Variants in KCNIP4 observed in about 807,000 individuals in gnomAD.
KCNIP4 encodes potassium voltage-gated channel interacting protein 4.
A neutral mutation model predicts 34.0 loss-of-function variants in KCNIP4; 12 were observed. The observed-to-expected ratio is 0.35, with a 90% confidence interval of 0.23 to 0.57. KCNIP4 has a LOEUF of 0.57. Among genes scored for constraint, KCNIP4 ranks in the 20% least tolerant of loss-of-function variants. The probability of loss-of-function intolerance (pLI) is 0.83; values close to 1 mark genes in which losing one functional copy is unlikely to be tolerated. For synonymous variants in KCNIP4, 124 were observed against 102.2 expected, an observed-to-expected ratio of 1.21 and a Z score of -1.29; for missense variants, 238 against 311.7, an observed-to-expected ratio of 0.76 and a Z score of 1.78.
At chr4:21,019,890 T>C (rs1233477172) in intron 1 of KCNIP4, among the ~76,000 whole-genome samples, 3 of 152,186 alleles carry the variant, frequency 2.0e-5, no homozygotes, top group Admixed American at 2.0e-4. Context: ...TCTGATTGCA[T>C]AGCTTCATGT....
intron 1 of KCNIP4, among the ~76,000 whole-genome samples, chr4:21,743,045 T>A (rs777122580): frequency 6.6e-6 from 1 of 152,190 alleles, no homozygotes. Context: ...CGTGGATCTG[T>A]AGAGATATAA....
intron 2 of KCNIP4, among the ~76,000 whole-genome samples, chr4:20,862,802 G>T (rs1722345143): frequency 6.6e-6 from 1 of 152,096 alleles, no homozygotes; most frequent in Non-Finnish European, 1.5e-5. Context: ...AAAAGAACAA[G>T]ATTATATCAT....
At chr4:21,858,226 C>T (rs10033271) in intron 1 of KCNIP4, among the ~76,000 whole-genome samples, 18,975 of 152,250 alleles carry the variant, frequency 0.12, 3,506 homozygotes, top group African/African-American at 0.41. Context: ...CAGGCAAAGG[C>T]GCCACTGGCC....
chr4:21,764,769 G>A (rs543456849), intron 1 of KCNIP4, among the ~76,000 whole-genome samples: 2 of 151,820 alleles, frequency 1.3e-5, no homozygotes, highest in Admixed American at 6.6e-5. Flanking sequence ...GTCCTTTTTT[G>A]CTTGTCTGCT....
At position 21,184,511 on chromosome 4, in the gene KCNIP4, C is replaced by T. The variant is rs117320604; in HGVS notation, c.62-301802G>A. 6.6e-3 allele frequency among the ~76,000 whole-genome samples: 1,007 copies of T among 152,154 alleles called. 26 individuals are homozygous for T. The East Asian group carries it at 0.087, about 13-fold the overall frequency. On this transcript the variant is annotated intron_variant, in intron 1 of 8. Coordinates refer to ENST00000382152, the MANE Select transcript of KCNIP4 (RefSeq NM_025221.6). ...TTTAAGTCACAGATGAAAAGAAATTCGCTATTACGTAATGAAGACGAGAGA... is the reference window on the plus strand; with the variant it reads ...TTTAAGTCACAGATGAAAAGAAATTTGCTATTACGTAATGAAGACGAGAGA...
intron 1 of KCNIP4, among the ~76,000 whole-genome samples, chr4:21,445,673 A>G (rs1181584153): frequency 6.6e-6 from 1 of 152,206 alleles, no homozygotes; most frequent in Non-Finnish European, 1.5e-5. Flanking sequence ...TAAAAACCCT[A>G]GAAGAAAACC....
At chr4:20,747,870 A>C (rs1752698859) in intron 5 of KCNIP4, among the ~76,000 whole-genome samples, 1 of 151,188 alleles carries the variant, frequency 6.6e-6, no homozygotes, top group Non-Finnish European at 1.5e-5. Context: ...TTTCATCTTG[A>C]CTCCACAAAG....
intron 3 of KCNIP4, among the ~76,000 whole-genome samples, chr4:20,803,074 C>T (rs1187666776): frequency 1.3e-5 from 1 of 78,330 alleles, no homozygotes; most frequent in African/African-American, 5.2e-5. Flanking sequence ...GACTCTGCCT[C>T]AAAAAAAAAA....
chr4:21,347,334 G>T (rs1717550191), intron 1 of KCNIP4, among the ~76,000 whole-genome samples: 1 of 152,178 alleles, frequency 6.6e-6, no homozygotes, highest in South Asian at 2.1e-4. Context: ...CCCAGAGGCT[G>T]TCCACAGGGA....
chr4:20,855,650 G>A (rs1292322793), intron 2 of KCNIP4, among the ~76,000 whole-genome samples: 1 of 147,940 alleles, frequency 6.8e-6, no homozygotes, highest in Non-Finnish European at 1.5e-5. Context: ...CTTAATTATT[G>A]CCCTCAAGGA....
chr4:21,076,916 A>G (rs1047004915), intron 1 of KCNIP4, among the ~76,000 whole-genome samples: 1 of 152,130 alleles, frequency 6.6e-6, no homozygotes, highest in Non-Finnish European at 1.5e-5. Flanking sequence ...TAAGGTCAGG[A>G]GTTCGAGTCC....
At chr4:21,945,052 C>A (rs975219923) in intron 1 of KCNIP4, among the ~76,000 whole-genome samples, 6 of 152,056 alleles carry the variant, frequency 3.9e-5, no homozygotes, top group African/African-American at 1.4e-4. Flanking sequence ...AGTAAAAAAA[C>A]ACATTCTGTT....
At chr4:21,411,220 T>C (rs1724468053) in intron 1 of KCNIP4, among the ~76,000 whole-genome samples, 1 of 152,170 alleles carries the variant, frequency 6.6e-6, no homozygotes, top group African/African-American at 2.4e-5. Flanking sequence ...AGAGTTTGTG[T>C]TGATGTAAAC....
intron 1 of KCNIP4, among the ~76,000 whole-genome samples, chr4:21,563,957 A>G (rs1030092358): frequency 6.6e-6 from 1 of 152,164 alleles, no homozygotes; most frequent in Non-Finnish European, 1.5e-5. Flanking sequence ...TAAAAGGAGT[A>G]GAAGATCTTG....
chr4:21,816,917 T>C (rs1722024315), intron 1 of KCNIP4, among the ~76,000 whole-genome samples: 1 of 152,170 alleles, frequency 6.6e-6, no homozygotes, highest in Non-Finnish European at 1.5e-5. Flanking sequence ...ATCTATAAAT[T>C]GAGGATCATG....
chr4:21,055,021 C>T (rs1262481280), intron 1 of KCNIP4, among the ~76,000 whole-genome samples: 1 of 151,916 alleles, frequency 6.6e-6, no homozygotes, highest in African/African-American at 2.4e-5. Flanking sequence ...ATACATCTGA[C>T]AAAGAATCAT....
chr4:20,871,145 A>C (rs1723415940), intron 2 of KCNIP4, among the ~76,000 whole-genome samples: 2 of 152,280 alleles, frequency 1.3e-5, no homozygotes, highest in South Asian at 4.1e-4. Flanking sequence ...ATATTGATTG[A>C]GTGCCTATTA....
At chr4:21,063,615 T>G (rs1353997883) in intron 1 of KCNIP4, among the ~76,000 whole-genome samples, 3 of 152,162 alleles carry the variant, frequency 2.0e-5, no homozygotes, top group Admixed American at 2.0e-4. Flanking sequence ...TGAGACTGAT[T>G]TATCTTTATG....
intron 1 of KCNIP4, among the ~76,000 whole-genome samples, chr4:21,682,083 G>T (rs926724353): frequency 6.6e-6 from 1 of 151,826 alleles, no homozygotes; most frequent in Non-Finnish European, 1.5e-5. Flanking sequence ...GTAGAGACAG[G>T]GTTTCACCAT....
Sources: allele counts gnomAD v4.1 joint callset (sites outside exome capture counted in the v4.1 genomes callset), GRCh38; gene constraint gnomAD v4.1.1; transcripts MANE v1.5; gene names NCBI Gene and HGNC (gene_info 2026-07-23, HGNC 2026-07-21).